HMCN2: variants seen among roughly 807,000 people sequenced by gnomAD.
HMCN2 encodes hemicentin-2.
In HMCN2, 325 loss-of-function variants were observed where a neutral mutation model predicts 377.5. The observed-to-expected ratio is 0.86, with a 90% CI of 0.79 to 0.94. The LOEUF is 0.94. Ranked by LOEUF, HMCN2 falls within the 40% of genes least tolerant of loss-of-function variation. The pLI, the probability that HMCN2 is intolerant of heterozygous loss-of-function variation, is 0.00. For synonymous variants in HMCN2, 2,007 were observed against 2,046.8 expected, an observed-to-expected ratio of 0.98 and a Z score of 0.53; for missense variants, 4,543 against 4,725.3, an observed-to-expected ratio of 0.96 and a Z score of 1.13.
chr9:130,322,300 A>G (rs1837892847), intron 19 of HMCN2, among the ~76,000 whole-genome samples: 2 of 151,130 alleles, frequency 1.3e-5, no homozygotes, highest in Non-Finnish European at 2.9e-5. Flanking sequence ...CATAAAAATT[A>G]TCTATCATCT....
chr9:130,277,979 CCACCACCACGATCAT>C (rs1834854747), intron 1 of HMCN2, among the ~76,000 whole-genome samples: 5 of 98,690 alleles, frequency 5.1e-5, no homozygotes, highest in Non-Finnish European at 2.0e-5. Context: ...ATCATCATCA[CCACCACCACGATCAT>C]CACCACCACC....
chr9:130,338,062 T>G (rs1352003195), intron 23 of HMCN2, 41 bp downstream of exon 23: 1 of 152,642 alleles, frequency 6.6e-6, no homozygotes, highest in African/African-American at 2.4e-5. Context: ...CTGTCCCCCA[T>G]CACCCTGCCT....
intron 7 of HMCN2, 62 bp downstream of exon 7, chr9:130,296,856 T>G: frequency 6.6e-6 from 3 of 454,998 alleles, no homozygotes; most frequent in Admixed American, 2.4e-5. Context: ...GGCTTGGCTT[T>G]GGGAAGTAGG....
Position 130,279,033 on chromosome 9 carries a change from G to A in HMCN2, c.260-5570G>A, listed in dbSNP as rs535730037. Among the ~76,000 whole-genome samples, 109 of 152,066 alleles carry A rather than the reference G, an allele frequency of 7.2e-4. 1 individual carries two copies. Among genetic ancestry groups the A allele is most frequent in the Middle Eastern group, 3.4e-3 (1 of 294 alleles). On this transcript the variant is annotated intron_variant, in intron 1 of 97. Transcript: ENST00000683500. ...CTGTCTCAGCCTCCCGAGTAGCTGG[G>A]ATTACAGGCATGCGTCACCAGGCCC... is the stretch of plus-strand genomic sequence containing the variant.
Position 130,356,203 on chromosome 9 carries a change from C to A in HMCN2, c.5371C>A (p.Gln1791Lys), listed in dbSNP as rs761985027. ...GGACCACTCAGGCCTCTTCGCCTGC[C>A]AGGCCACCAATGAGGCGGGCACTGC... ...ELDHSGLFAC[Q>K]ATNEAGTAGA... The change falls in exon 34 of 98, where the codon CAG (glutamine) becomes AAG (lysine). Residue 1791 changes from glutamine to lysine, a missense_variant. Gln to Lys is a moderately conservative substitution (Grantham distance 53). Coordinates refer to ENST00000683500, the MANE Select transcript of HMCN2 (RefSeq NM_001291815.2). 9.2e-6 allele frequency: 12 copies of A among 1,303,406 alleles called. 1 individual carries two copies. In the South Asian group the frequency reaches 1.5e-4, roughly 16 times the overall value. 80.7% of individuals were successfully genotyped at this position (1,303,406 alleles called of 1,614,324 possible). A position where few individuals can be genotyped will look rare whatever the true frequency, so the allele number is the denominator to read the frequency against.
At chr9:130,325,260 T>C (rs1332749104) in intron 19 of HMCN2, among the ~76,000 whole-genome samples, 1 of 151,748 alleles carries the variant, frequency 6.6e-6, no homozygotes, top group Non-Finnish European at 1.5e-5. Context: ...CATGCACAGC[T>C]AATTTTTGTA....
chr9:130,349,478 G>A, intron 28 of HMCN2, 59 bp from the exon 29 acceptor site: 1 of 1,283,752 alleles, frequency 7.8e-7, no homozygotes, highest in South Asian at 1.3e-5. Context: ...AGGCCCCGTG[G>A]TAGGCGGGGC....
chr9:130,433,541 GCGCTGCGTC>G lies in HMCN2; in HGVS notation c.15096_15104del (p.Pro5033_Arg5035del), dbSNP rs1364724751. 3.1e-5 allele frequency: 46 copies of G among 1,470,776 alleles called. No homozygotes were observed. The highest frequency in any genetic ancestry group is 3.9e-5 in the Non-Finnish European group (44 of 1,118,054). 91.1% of individuals were successfully genotyped at this position (1,470,776 alleles called of 1,614,324 possible). On this transcript the variant is annotated inframe_deletion, in exon 98 of 98. Transcript: ENST00000683500. ...GGAGCCCGACCCCCGCAGCCCCTTC[GCGCTGCGTC>G]CGCTGCGCGCGGGCCTTGGCGCGGT...
intron 15 of HMCN2, among the ~76,000 whole-genome samples, chr9:130,317,351 C>T (rs1837612030): frequency 1.3e-5 from 2 of 152,094 alleles, no homozygotes; most frequent in Non-Finnish European, 2.9e-5. Context: ...AAGTGCTCGT[C>T]TTCATGCCTG....
chr9:130,290,108 C>T (rs1434730107), intron 4 of HMCN2, among the ~76,000 whole-genome samples: 1 of 152,196 alleles, frequency 6.6e-6, no homozygotes, highest in Non-Finnish European at 1.5e-5. Flanking sequence ...CGCTGGTCCC[C>T]CAGCCCCTCT....
chr9:130,349,042 G>A lies in HMCN2; in HGVS notation c.4214G>A (p.Arg1405Lys). ...LDEGQSLHFP[R>K]IQEGDSGLYS... ...GAGGGCCAGTCCCTCCACTTCCCCA[G>A]GATCCAGGAGGGTGATTCTGGGCTC... The change falls in exon 28 of 98, where the codon AGG becomes AAG. Residue 1405 changes from arginine (R) to lysine (K), a missense_variant. This residue lies in a region of HMCN2 where 1,032 missense variants were observed against 1,285.1 expected (regional missense o/e 0.80). Coordinates refer to ENST00000683500, the MANE Select transcript of HMCN2 (RefSeq NM_001291815.2). The A allele has an allele frequency of 7.7e-7, 1 of 1,304,220 alleles. No individual in the cohort carries two copies. The highest frequency in any genetic ancestry group is 1.0e-6 in the Non-Finnish European group (1 of 988,926). 80.8% of individuals were successfully genotyped at this position (1,304,220 alleles called of 1,614,324 possible).
intron 1 of HMCN2, among the ~76,000 whole-genome samples, chr9:130,270,291 G>GTTTTT (rs1257016426): frequency 1.5e-5 from 1 of 64,966 alleles, no homozygotes; most frequent in African/African-American, 7.0e-5. Context: ...TTGTTTGTTT[G>GTTTTT]TTTGTTTTTT....
chr9:130,332,265 A>G (rs896993530), intron 22 of HMCN2, among the ~76,000 whole-genome samples: 5 of 152,336 alleles, frequency 3.3e-5, no homozygotes, highest in Admixed American at 2.6e-4. Context: ...CCTCGCCTTC[A>G]GAGCCGGACG....
Position 130,402,847 on chromosome 9 carries a change from C to T in HMCN2, c.11829C>T (p.Ala3943=), listed in dbSNP as rs773082919. ...ACGCAGGCCGCTACACCTGCTCAGC[C>T]CGCAACTCTGCCGGCGTAGCCCACA... ...PIHAGRYTCS[A]RNSAGVAHKH... The change falls in exon 78 of 98, where the codon GCC becomes GCT. Residue 3943 remains alanine, a synonymous_variant. Coordinates refer to ENST00000683500, the MANE Select transcript of HMCN2 (RefSeq NM_001291815.2). 1.2e-5 allele frequency: 16 copies of T among 1,289,684 alleles called. No homozygotes were observed. In the African/African-American group the frequency reaches 2.3e-4, roughly 18 times the overall value. The allele number at this position is 1,289,684 out of a possible 1,614,324, so 79.9% of individuals were successfully genotyped here. A position where few individuals can be genotyped will look rare whatever the true frequency, so the allele number is the denominator to read the frequency against.
intron 31 of HMCN2, 44 bp downstream of exon 31, chr9:130,353,249 G>T (rs1839833414): frequency 7.8e-7 from 1 of 1,289,978 alleles, no homozygotes; most frequent in South Asian, 1.3e-5. Flanking sequence ...GCAGTGGGAG[G>T]GACTCAGCCA....
chr9:130,374,596 G>C lies in HMCN2; in HGVS notation c.7533G>C (p.Gln2511His), dbSNP rs1841274846. 1 of 985,668 alleles carries C rather than the reference G, an allele frequency of 1.0e-6. No homozygotes were observed. Among genetic ancestry groups the C allele is most frequent in the Non-Finnish European group, 1.2e-6 (1 of 829,950 alleles). The allele number at this position is 985,668 out of a possible 1,614,324, so 61.1% of individuals were successfully genotyped here. ...HHISPDGVLL[Q>H]VLQANLSSAG... ...TCTCCCCAGACGGAGTCCTCCTGCAGGTCCTCCAGGCAAACCTGTCCAGTG... is the reference window on the plus strand; with the variant it reads ...TCTCCCCAGACGGAGTCCTCCTGCACGTCCTCCAGGCAAACCTGTCCAGTG... Residue 2511 changes from glutamine to histidine, a missense_variant, in exon 49 of 98, where the codon CAG (glutamine) becomes CAC (histidine). Gln to His is a conservative substitution (Grantham distance 24). Coordinates refer to ENST00000683500, the MANE Select transcript of HMCN2 (RefSeq NM_001291815.2).
rs549616943 is a variant in HMCN2, at chr9:130,385,566, C to T, written c.9113C>T (p.Pro3038Leu). 6.9e-5 allele frequency: 90 copies of T among 1,303,814 alleles called. No individual in the cohort carries two copies. The highest frequency in any genetic ancestry group is 3.0e-5 in the Non-Finnish European group (30 of 988,576). The allele number at this position is 1,303,814 out of a possible 1,614,324, so 80.8% of individuals were successfully genotyped here. A position where few individuals can be genotyped will look rare whatever the true frequency, so the allele number is the denominator to read the frequency against. ...TGCTATCTCCTGCCCCCAGTTCCCCCGGCCTTCAGGCAGGCTCCCAGAGGT... is the reference window on the plus strand; with the variant it reads ...TGCTATCTCCTGCCCCCAGTTCCCCTGGCCTTCAGGCAGGCTCCCAGAGGT... ...KLVQLSVLVP[P>L]AFRQAPRGPQ... The change falls in exon 60 of 98, where the codon CCG (proline) becomes CTG (leucine). Residue 3038 changes from proline to leucine, a missense_variant. Around this residue, in one of 5 missense-constraint regions of HMCN2, gnomAD observed 736 missense variants for 773.2 expected, o/e 0.95. Coordinates refer to ENST00000683500, the MANE Select transcript of HMCN2 (RefSeq NM_001291815.2).
intron 74 of HMCN2, among the ~76,000 whole-genome samples, chr9:130,398,153 CAAAAAAAAA>C (rs397940740): frequency 0.012 from 398 of 33,910 alleles, 2 homozygotes; most frequent in African/African-American, 0.043. Context: ...ACTCCGTCTA[CAAAAAAAAA>C]AAAAAAAAAA....
Position 130,393,962 on chromosome 9 carries a change from G to A in HMCN2, c.10455G>A (p.Val3485=), listed in dbSNP as rs1173318579. Residue 3485 remains valine (V), a synonymous_variant, in exon 68 of 98, where the codon GTG becomes GTA. Transcript: ENST00000683500. The surrounding 1 kb of genome is among the most constrained non-coding windows in gnomAD (Gnocchi z 5.2). ...CGGGGACCTACTCCTGTGTGGCCGT[G>A]AGCGAGGCGGGGGAAGCCAGGAGGC... ...GDSGTYSCVA[V]SEAGEARRHF... is the part of the protein sequence containing the mutation. 1.6e-6 allele frequency: 2 copies of A among 1,284,638 alleles called. No homozygotes were observed. Among genetic ancestry groups the A allele is most frequent in the Admixed American group, 4.7e-5 (2 of 42,848 alleles). The allele number at this position is 1,284,638 out of a possible 1,614,324, so 79.6% of individuals were successfully genotyped here.
Sources: allele counts gnomAD v4.1 joint callset (sites outside exome capture counted in the v4.1 genomes callset), GRCh38; gene constraint gnomAD v4.1.1; regional missense constraint gnomAD v4.1.1; non-coding constraint Gnocchi (gnomAD v3.1); transcripts MANE v1.5; gene names NCBI Gene and HGNC (gene_info 2026-07-23, HGNC 2026-07-21).